The following PARD3B variants were observed in gnomAD, a reference collection of about 807,000 sequenced individuals.
The protein encoded by PARD3B is partitioning defective 3 homolog B.
Under a neutral mutation model 130.2 loss-of-function variants are expected in PARD3B, and 103 were observed. That is an observed-to-expected ratio of 0.79 (90% CI 0.67 to 0.93). The LOEUF is 0.93. Ranked by LOEUF, PARD3B falls within the 40% of genes least tolerant of loss-of-function variation. The pLI is 0.00. For missense variants in PARD3B, 1,609 were observed against 1,499.2 expected (o/e 1.07, Z -1.21); for synonymous variants, 583 against 553.2 (o/e 1.05, Z -0.76).
At chr2:205,423,260 G>A (rs2047033779) in intron 19 of PARD3B, among the ~76,000 whole-genome samples, 2 of 152,322 alleles carry the variant, frequency 1.3e-5, no homozygotes, top group South Asian at 4.1e-4. Flanking sequence ...GAGGGAGGAA[G>A]ACCAGATGAT....
intron 1 of PARD3B, among the ~76,000 whole-genome samples, chr2:204,574,692 T>C (rs990925846): frequency 6.6e-6 from 1 of 152,198 alleles, no homozygotes; most frequent in South Asian, 2.1e-4. Flanking sequence ...TGTGGAACGC[T>C]AAATGAGGTC....
At chr2:205,019,842 G>T (rs1478249060) in intron 3 of PARD3B, among the ~76,000 whole-genome samples, 1 of 152,164 alleles carries the variant, frequency 6.6e-6, no homozygotes, top group Non-Finnish European at 1.5e-5. Flanking sequence ...AGTCAAAGTT[G>T]GTTAGAGAAC....
chr2:204,716,245 G>A (rs2038717723), intron 2 of PARD3B, among the ~76,000 whole-genome samples: 1 of 151,932 alleles, frequency 6.6e-6, no homozygotes, highest in Non-Finnish European at 1.5e-5. Flanking sequence ...AGTTAACAGT[G>A]TAGTGCCTTG....
In PARD3B at chr2:205,172,218, G is replaced by A. The variant is rs748008390; in HGVS notation, c.1628G>A (p.Arg543His). Residue 543 changes from arginine to histidine, a missense_variant, in exon 12 of 23, where the codon CGT (arginine) becomes CAT (histidine). By Grantham distance (29) the Arg-to-His change is conservative. Transcript: ENST00000406610. Reference sequence around the variant, plus strand: ...TCCTTTCTTCTGCCTTAGGATGGTCGTCTGCGAATGAATGACCAGCTGATT... The same window carrying A: ...TCCTTTCTTCTGCCTTAGGATGGTCATCTGCGAATGAATGACCAGCTGATT... ...IHGGAAFKDG[R>H]LRMNDQLIAV... 18 of 1,613,642 alleles carry A rather than the reference G, an allele frequency of 1.1e-5. No individual in the cohort carries two copies. Among genetic ancestry groups the A allele is most frequent in the East Asian group, 4.5e-5 (2 of 44,872 alleles).
rs115961730 is a variant in PARD3B at position 205,272,174 on chromosome 2, A to G, written c.2185+26352A>G. ...CTCTGTCTCAAAAAAAAAAAAAAAG[A>G]AGATGCTTTATTTTTGTCTTGTTTT... On this transcript the variant is annotated intron_variant, in intron 16 of 22. Coordinates refer to ENST00000406610, the MANE Select transcript of PARD3B (RefSeq NM_001302769.2). Among the ~76,000 whole-genome samples the G allele has an allele frequency of 8.0e-3, 1,207 of 151,688 alleles. 20 individuals are homozygous for G. Among genetic ancestry groups the G allele is most frequent in the African/African-American group, 0.028 (1,143 of 41,356 alleles).
At chr2:205,359,022 C>G (rs928565466) in intron 18 of PARD3B, among the ~76,000 whole-genome samples, 2 of 152,056 alleles carry the variant, frequency 1.3e-5, no homozygotes, top group African/African-American at 2.4e-5. Flanking sequence ...CTCCCTAGAC[C>G]TGTGAAATCA....
At position 205,178,028 on chromosome 2, in the gene PARD3B, G is replaced by A. The variant is rs768026464; in HGVS notation, c.1924+1451G>A. ...GCCCATTAGAAGCTGACTTTAGACC[G>A]GGCACAGTGGCTCACGCCTGTAATC... is the stretch of plus-strand genomic sequence containing the variant. On this transcript the variant is annotated intron_variant, in intron 13 of 22. Coordinates refer to ENST00000406610, the MANE Select transcript of PARD3B (RefSeq NM_001302769.2). 5.3e-5 allele frequency among the ~76,000 whole-genome samples: 8 copies of A among 151,266 alleles called. No individual in the cohort carries two copies. In the South Asian group the frequency reaches 6.3e-4, roughly 12 times the overall value.
At chr2:204,603,590 C>T (rs139173253) in intron 1 of PARD3B, among the ~76,000 whole-genome samples, 130 of 151,818 alleles carry the variant, frequency 8.6e-4, no homozygotes, top group African/African-American at 2.7e-3. Context: ...ACATTTTTGT[C>T]GTCCTTATAA....
rs970263369 is a variant in PARD3B, at chr2:205,023,946, T to C, written c.395-23635T>C. Among the ~76,000 whole-genome samples the C allele has an allele frequency of 7.9e-5, 12 of 152,210 alleles. No homozygotes were observed. The East Asian group carries it at 1.2e-3, about 15-fold the overall frequency. On this transcript the variant is annotated intron_variant, in intron 3 of 22. Transcript: ENST00000406610. Reference sequence around the variant, plus strand: ...ATTGTTTGAGTTTGAATCCTGTTTCTACCATATACTAGGTGTGTGGTGAGG... The same window carrying C: ...ATTGTTTGAGTTTGAATCCTGTTTCCACCATATACTAGGTGTGTGGTGAGG...
chr2:205,007,026 C>G (rs911249146), intron 3 of PARD3B, among the ~76,000 whole-genome samples: 5 of 152,160 alleles, frequency 3.3e-5, no homozygotes, highest in Non-Finnish European at 4.4e-5. Flanking sequence ...TTCTAATCCC[C>G]ATAATCCCCA....
intron 18 of PARD3B, among the ~76,000 whole-genome samples, chr2:205,345,008 A>G (rs2043697521): frequency 6.6e-6 from 1 of 152,206 alleles, no homozygotes; most frequent in South Asian, 2.1e-4. Flanking sequence ...AACTACCAAC[A>G]GGGCCAGCAT....
rs556276761 is a variant in PARD3B at position 205,595,494 on chromosome 2, G to C, written c.3261-19962G>C. 2.6e-5 allele frequency among the ~76,000 whole-genome samples: 4 copies of C among 152,196 alleles called. No individual in the cohort carries two copies. The South Asian group carries it at 6.2e-4, about 24-fold the overall frequency. Reference sequence around the variant, plus strand: ...GTAAATATTTGCTTTTCTATGATAAGCTTTTATTTAAATTATTAAAGCTGC... The same window carrying C: ...GTAAATATTTGCTTTTCTATGATAACCTTTTATTTAAATTATTAAAGCTGC... On this transcript the variant is annotated intron_variant, in intron 22 of 22. Transcript: ENST00000406610.
intron 2 of PARD3B, among the ~76,000 whole-genome samples, chr2:204,754,343 A>G (rs377694747): frequency 3.3e-5 from 5 of 150,800 alleles, no homozygotes; most frequent in African/African-American, 7.2e-5. Context: ...ATAAGAAGCA[A>G]TAAAGCTCAT....
chr2:204,782,049 A>G (rs182481018), intron 2 of PARD3B, among the ~76,000 whole-genome samples: 1 of 152,240 alleles, frequency 6.6e-6, no homozygotes, highest in East Asian at 1.9e-4. Flanking sequence ...TGAAAATTAA[A>G]TCTCTTATTT....
At chr2:204,727,777 G>C (rs142355282) in intron 2 of PARD3B, among the ~76,000 whole-genome samples, 110 of 152,294 alleles carry the variant, frequency 7.2e-4, no homozygotes, top group Admixed American at 1.4e-3. Flanking sequence ...GATGGGTCAT[G>C]TGTTCAAAAA....
At chr2:204,717,598 G>C (rs2038789709) in intron 2 of PARD3B, among the ~76,000 whole-genome samples, 1 of 152,090 alleles carries the variant, frequency 6.6e-6, no homozygotes, top group African/African-American at 2.4e-5. Flanking sequence ...CAGTTGGACA[G>C]AAATCCAAAG....
intron 2 of PARD3B, among the ~76,000 whole-genome samples, chr2:204,934,359 G>C (rs1287912201): frequency 6.6e-6 from 1 of 152,220 alleles, no homozygotes; most frequent in Admixed American, 6.5e-5. Context: ...TTGGTTGCTT[G>C]ATGAACACTG....
intron 1 of PARD3B, among the ~76,000 whole-genome samples, chr2:204,637,965 A>C (rs2034944836): frequency 6.6e-6 from 1 of 152,106 alleles, no homozygotes; most frequent in Admixed American, 6.6e-5. Context: ...AGTCGTTCTG[A>C]GATGGATTTT....
Position 205,281,912 on chromosome 2 carries a change from G to T in PARD3B, c.2186-18618G>T, listed in dbSNP as rs1411822708. 6.6e-6 allele frequency among the ~76,000 whole-genome samples: 1 copy of T among 152,172 alleles called. No individual in the cohort carries two copies. Among genetic ancestry groups the T allele is most frequent in the African/African-American group, 2.4e-5 (1 of 41,448 alleles). Reference sequence around the variant, plus strand: ...AGACAAAAAGAAACTAATTCTACTTGTGTGTCTTCCTGGTTTTAACTTACA... The same window carrying T: ...AGACAAAAAGAAACTAATTCTACTTTTGTGTCTTCCTGGTTTTAACTTACA... On this transcript the variant is annotated intron_variant, in intron 16 of 22. Transcript: ENST00000406610. This position sits in a 1 kb window ranked among gnomAD's most constrained non-coding sequence, Gnocchi z 4.2.
Sources: gnomAD v4.1 joint callset for allele counts (sites outside exome capture counted in the v4.1 genomes callset) on GRCh38, gnomAD v4.1.1 for gene constraint, Gnocchi (gnomAD v3.1) non-coding constraint, MANE v1.5 for transcripts, NCBI Gene and HGNC (gene_info 2026-07-23, HGNC 2026-07-21) for gene names.